The following TRANK1 variants were observed in gnomAD, a reference collection of about 807,000 sequenced individuals.
TRANK1 encodes tetratricopeptide repeat and ankyrin repeat containing 1.
TRANK1 carries 198 observed loss-of-function variants against 266.0 expected under a neutral mutation model. That is an observed-to-expected ratio of 0.74 (90% CI 0.66 to 0.84). The LOEUF (loss-of-function observed/expected upper bound fraction) is 0.84, where lower values mean the gene tolerates loss of function less well. Among genes scored for constraint, TRANK1 ranks in the 40% least tolerant of loss-of-function variants. TRANK1 has a pLI of 0.00. For synonymous variants in TRANK1, 1,396 were observed against 1,384.1 expected, an observed-to-expected ratio of 1.01 and a Z score of -0.19; for missense variants, 3,326 against 3,634.6, an observed-to-expected ratio of 0.92 and a Z score of 2.18.
At chr3:36,919,408 T>C (rs2080182540) in intron 1 of TRANK1, among the ~76,000 whole-genome samples, 1 of 152,234 alleles carries the variant, frequency 6.6e-6, no homozygotes, top group Non-Finnish European at 1.5e-5. Context: ...CCCTCTTTCC[T>C]TAAAGATTAT....
At chr3:36,908,712 G>A in intron 1 of TRANK1, 9 of 857,634 alleles carry the variant, frequency 1.0e-5, no homozygotes, top group Non-Finnish European at 1.3e-5. Flanking sequence ...ATCTGGAGGA[G>A]GCTGCTTCCA....
In TRANK1 at chr3:36,827,030, C is replaced by T. The variant is rs1460465070; in HGVS notation, c.*1245G>A. On this transcript the variant is annotated 3_prime_UTR_variant, in exon 24 of 24. Transcript: ENST00000645898. ...GCAGCATGAGCAGCAAAAGCAGCAG[C>T]AACATGGGGGGAAAGCTGGCTCTGC... The T allele has an allele frequency of 6.6e-6, 1 of 150,662 alleles. No individual in the cohort carries two copies. The highest frequency in any genetic ancestry group is 1.5e-5 in the Non-Finnish European group (1 of 67,670). The allele number at this position is 150,662 out of a possible 1,614,324, so 9.3% of individuals were successfully genotyped here. A position where few individuals can be genotyped will look rare whatever the true frequency, so the allele number is the denominator to read the frequency against.
chr3:36,903,088 T>A, intron 3 of TRANK1, 61 bp downstream of exon 3: 1 of 1,497,498 alleles, frequency 6.7e-7, no homozygotes, highest in Non-Finnish European at 8.9e-7. Flanking sequence ...TTTCATACCT[T>A]CATCCACCAC....
At chr3:36,918,633 A>AGAGAG in intron 1 of TRANK1, among the ~76,000 whole-genome samples, 1 of 149,112 alleles carries the variant, frequency 6.7e-6, no homozygotes, top group East Asian at 2.0e-4. Context: ...GAAAGAAAGA[A>AGAGAG]AGAAAGAGAA....
Position 36,828,446 on chromosome 3 carries a change from G to C in TRANK1, c.8810-71C>G, listed in dbSNP as rs188630658. ...GGAGGGAGGGAAGGAAAGAAGGAAG[G>C]AAGGAAGGAAGGAAAGGAGGAAGGG... is the stretch of plus-strand genomic sequence containing the variant. On this transcript the variant is annotated intron_variant, in intron 23 of 23. Coordinates refer to ENST00000645898, the MANE Select transcript of TRANK1 (RefSeq NM_001329998.2). 1.9e-4 allele frequency: 183 copies of C among 945,376 alleles called. 1 individual carries two copies. Among genetic ancestry groups the C allele is most frequent in the Non-Finnish European group, 2.3e-5 (14 of 611,314 alleles). 58.6% of individuals were successfully genotyped at this position (945,376 alleles called of 1,614,324 possible).
At chr3:36,943,608 G>C (rs933829062) in intron 1 of TRANK1, among the ~76,000 whole-genome samples, 27 of 150,420 alleles carry the variant, frequency 1.8e-4, no homozygotes, top group Non-Finnish European at 2.8e-4. Context: ...CACCGTCCCC[G>C]CCCTCCAACA....
chr3:36,840,738 C>T (rs1488495375), intron 18 of TRANK1, among the ~76,000 whole-genome samples: 1 of 152,190 alleles, frequency 6.6e-6, no homozygotes, highest in Admixed American at 6.5e-5. Flanking sequence ...CCCCAGTCAC[C>T]CCTGTCCCCC....
At chr3:36,940,177 G>A (rs974121888) in intron 1 of TRANK1, among the ~76,000 whole-genome samples, 23 of 151,678 alleles carry the variant, frequency 1.5e-4, no homozygotes, top group South Asian at 8.3e-4. Flanking sequence ...GACCCACCGC[G>A]CCTGGCCCAC....
At chr3:36,886,136 T>G (rs1322939710) in intron 8 of TRANK1, among the ~76,000 whole-genome samples, 31 of 142,902 alleles carry the variant, frequency 2.2e-4, no homozygotes, top group African/African-American at 5.1e-4. Context: ...GTTGTTTTTT[T>G]TTTTTTTTTT....
At chr3:36,925,394 T>C (rs1161761018) in intron 1 of TRANK1, among the ~76,000 whole-genome samples, 2 of 152,184 alleles carry the variant, frequency 1.3e-5, no homozygotes, top group African/African-American at 2.4e-5. Flanking sequence ...TTTTTTTCTG[T>C]CTGCTTTAAA....
At chr3:36,910,110 C>T (rs1023852528) in intron 1 of TRANK1, among the ~76,000 whole-genome samples, 1 of 152,122 alleles carries the variant, frequency 6.6e-6, no homozygotes, top group African/African-American at 2.4e-5. Context: ...ACATTCTCAC[C>T]AAAATGTATA....
At chr3:36,918,578 G>A (rs1187171531) in intron 1 of TRANK1, among the ~76,000 whole-genome samples, 8 of 75,912 alleles carry the variant, frequency 1.1e-4, no homozygotes, top group Admixed American at 5.1e-4. Flanking sequence ...AAGGAAGGAA[G>A]GAAGGAAGGA....
At chr3:36,852,528 G>C (rs2078998175) in intron 13 of TRANK1, among the ~76,000 whole-genome samples, 183 bp from the exon 14 acceptor site, 1 of 152,114 alleles carries the variant, frequency 6.6e-6, no homozygotes, top group Non-Finnish European at 1.5e-5. Flanking sequence ...TGGGTGCAGG[G>C]GATGAGAAGG....
intron 1 of TRANK1, among the ~76,000 whole-genome samples, chr3:36,932,217 T>C (rs1161382922): frequency 6.6e-6 from 1 of 152,216 alleles, no homozygotes; most frequent in African/African-American, 2.4e-5. Flanking sequence ...TGGTTATGCG[T>C]AGAGATTCAC....
intron 1 of TRANK1, among the ~76,000 whole-genome samples, chr3:36,925,866 G>A (rs909919421): frequency 6.6e-5 from 10 of 152,274 alleles, no homozygotes; most frequent in African/African-American, 1.7e-4. Flanking sequence ...TTACAGACAT[G>A]AGCCACTGTG....
At chr3:36,847,115 T>C in intron 16 of TRANK1, 85 bp downstream of exon 16, 1 of 1,449,772 alleles carries the variant, frequency 6.9e-7, no homozygotes, top group Non-Finnish European at 9.2e-7. Context: ...AAGTGCAAGC[T>C]CCATTTTTCC....
Position 36,832,809 on chromosome 3 carries a change from A to G in TRANK1, c.6774T>C (p.Ser2258=), listed in dbSNP as rs767046451. The change falls in exon 22 of 24, where the codon TCT becomes TCC. Residue 2258 remains serine (S), a synonymous_variant. Coordinates refer to ENST00000645898, the MANE Select transcript of TRANK1 (RefSeq NM_001329998.2). ...EELKEIDYIL[S]TDMYGLCKSI... is the part of the protein sequence containing the mutation. Reference sequence around the variant, plus strand: ...ACTTGCAAAGGCCATACATATCTGTAGACAAAATATAATCAATTTCTTTAA... The same window carrying G: ...ACTTGCAAAGGCCATACATATCTGTGGACAAAATATAATCAATTTCTTTAA... 60 of 1,613,932 alleles carry G rather than the reference A, an allele frequency of 3.7e-5. No homozygotes were observed. The Middle Eastern group carries it at 4.9e-4, about 13-fold the overall frequency.
chr3:36,923,451 TC>T (rs1173251652), intron 1 of TRANK1, among the ~76,000 whole-genome samples: 1 of 152,050 alleles, frequency 6.6e-6, no homozygotes, highest in Non-Finnish European at 1.5e-5. Context: ...AGACGGGGTT[TC>T]ACCATGTTGC....
chr3:36,879,089 A>G (rs894555840), intron 8 of TRANK1, among the ~76,000 whole-genome samples: 2 of 152,070 alleles, frequency 1.3e-5, no homozygotes, highest in African/African-American at 2.4e-5. Flanking sequence ...TATCTCTTAC[A>G]TTGCTCAGAA....
Sources: gnomAD v4.1 joint callset for allele counts (sites outside exome capture counted in the v4.1 genomes callset) on GRCh38, gnomAD v4.1.1 for gene constraint, MANE v1.5 for transcripts, NCBI Gene and HGNC (gene_info 2026-07-23, HGNC 2026-07-21) for gene names.